The following FAM53B variants were observed in gnomAD, a reference collection of about 807,000 sequenced individuals.
FAM53B encodes family with sequence similarity 53 member B, also known as protein FAM53B.
In FAM53B, 12 loss-of-function variants were observed where a neutral mutation model predicts 32.7. That is an observed-to-expected ratio of 0.37 (90% CI 0.24 to 0.59). The LOEUF (loss-of-function observed/expected upper bound fraction) is 0.59, where lower values mean the gene tolerates loss of function less well. Among genes scored for constraint, FAM53B ranks in the 20% least tolerant of loss-of-function variants. The pLI is 0.72. For synonymous variants in FAM53B, 234 were observed against 228.7 expected (o/e 1.02, Z -0.21); for missense variants, 477 against 577.7 (o/e 0.83, Z 1.79).
chr10:124,697,965 A>G (rs551170127), intron 2 of FAM53B, among the ~76,000 whole-genome samples: 4 of 152,260 alleles, frequency 2.6e-5, no homozygotes, highest in Non-Finnish European at 4.4e-5. Flanking sequence ...AGCTGAGAAC[A>G]CACCGAAGTC....
chr10:124,663,487 C>T (rs1234969824), intron 4 of FAM53B, among the ~76,000 whole-genome samples: 1 of 152,252 alleles, frequency 6.6e-6, no homozygotes, highest in Non-Finnish European at 1.5e-5. Context: ...CAGAGGAGGG[C>T]TGCCCAAACC....
intron 4 of FAM53B, among the ~76,000 whole-genome samples, chr10:124,652,280 C>T (rs183796146): frequency 5.3e-5 from 8 of 152,304 alleles, no homozygotes; most frequent in Admixed American, 5.2e-4. Context: ...AGGGTCTTAC[C>T]ATGTGCACAA....
At chr10:124,693,383 C>T (rs7091858) in intron 3 of FAM53B, among the ~76,000 whole-genome samples, 140,632 of 151,850 alleles carry the variant, frequency 0.93, 65,759 homozygotes, top group Non-Finnish European at 0.99. Context: ...GGCAGGAGAA[C>T]TGCTTGAACC....
chr10:124,677,099 A>C (rs1358471412), intron 4 of FAM53B, among the ~76,000 whole-genome samples: 1 of 152,174 alleles, frequency 6.6e-6, no homozygotes, highest in Non-Finnish European at 1.5e-5. Context: ...TATGACACCT[A>C]GGGGGACTGC....
intron 4 of FAM53B, among the ~76,000 whole-genome samples, chr10:124,650,957 G>A (rs1471438652): frequency 6.6e-6 from 1 of 150,766 alleles, no homozygotes; most frequent in Non-Finnish European, 1.5e-5. Context: ...GAAATGCGAG[G>A]ACTCACGGGC....
Position 124,640,286 on chromosome 10 carries a change from C to A in FAM53B, c.907-16682G>T, listed in dbSNP as rs576587275. ...AGGCCCTCCACACCTCTCCGGCCAG[C>A]ACCCTCAGCCTGCACAGCTCTGCGC... On this transcript the variant is annotated intron_variant, in intron 4 of 4. Coordinates refer to ENST00000337318, the MANE Select transcript of FAM53B (RefSeq NM_014661.4). 3.3e-5 allele frequency among the ~76,000 whole-genome samples: 5 copies of A among 152,344 alleles called. No homozygotes were observed. In the South Asian group the frequency reaches 1.0e-3, roughly 32 times the overall value.
chr10:124,658,613 A>C (rs1302385064), intron 4 of FAM53B, among the ~76,000 whole-genome samples: 1 of 152,178 alleles, frequency 6.6e-6, no homozygotes, highest in Non-Finnish European at 1.5e-5. Context: ...GAGAACAGCA[A>C]ACTACCGTGG....
intron 3 of FAM53B, among the ~76,000 whole-genome samples, chr10:124,691,400 C>T (rs1949831743): frequency 6.6e-6 from 1 of 152,166 alleles, no homozygotes; most frequent in Admixed American, 6.5e-5. Flanking sequence ...CTCAAGTTTC[C>T]TGTATGTTCT....
At chr10:124,679,522 G>C (rs1167961147) in intron 4 of FAM53B, among the ~76,000 whole-genome samples, 1 of 152,228 alleles carries the variant, frequency 6.6e-6, no homozygotes, top group Non-Finnish European at 1.5e-5. Context: ...AGCCAAAGCA[G>C]GCAGAGCCCC....
At chr10:124,693,071 G>A (rs1164371804) in intron 3 of FAM53B, among the ~76,000 whole-genome samples, 1 of 152,164 alleles carries the variant, frequency 6.6e-6, no homozygotes, top group Admixed American at 6.5e-5. Flanking sequence ...TGGTGATTAT[G>A]ATAATTTGGT....
chr10:124,723,935 C>G (rs1386094968), intron 1 of FAM53B, among the ~76,000 whole-genome samples: 1 of 152,254 alleles, frequency 6.6e-6, no homozygotes, highest in African/African-American at 2.4e-5. Context: ...CTGTGTTGTG[C>G]TTCTCTCTGG....
chr10:124,632,302 A>C (rs1419636309), intron 4 of FAM53B, among the ~76,000 whole-genome samples: 3 of 152,242 alleles, frequency 2.0e-5, no homozygotes, highest in South Asian at 2.1e-4. Flanking sequence ...TGTGGTGTAC[A>C]TTCCAGCCAG....
rs1949307850 is a variant in FAM53B at position 124,621,086 on chromosome 10, C to T, written c.*2156G>A. 1 of 152,268 alleles carries T rather than the reference C, an allele frequency of 6.6e-6. No individual in the cohort carries two copies. The highest frequency in any genetic ancestry group is 1.5e-5 in the Non-Finnish European group (1 of 68,074). 9.4% of individuals were successfully genotyped at this position (152,268 alleles called of 1,614,324 possible). On this transcript the variant is annotated 3_prime_UTR_variant, in exon 5 of 5. Transcript: ENST00000337318. ...TCACCATGTGCCTCCCACCCCAGCC[C>T]TAAGCAAAGGTAGCTGGGGGCTGCT...
chr10:124,678,733 G>A (rs994354732), intron 4 of FAM53B, among the ~76,000 whole-genome samples: 1 of 152,212 alleles, frequency 6.6e-6, no homozygotes, highest in Admixed American at 6.5e-5. Flanking sequence ...ATACAGATGA[G>A]GGCAGGGCCT....
chr10:124,625,376 C>T (rs1949340130), intron 4 of FAM53B, among the ~76,000 whole-genome samples: 2 of 152,146 alleles, frequency 1.3e-5, no homozygotes, highest in Non-Finnish European at 2.9e-5. Context: ...GGCAGGGGCA[C>T]CCATTAGACT....
At chr10:124,686,100 A>T (rs1264035242) in intron 3 of FAM53B, among the ~76,000 whole-genome samples, 1 of 152,242 alleles carries the variant, frequency 6.6e-6, no homozygotes, top group African/African-American at 2.4e-5. Context: ...CCCACAAAGT[A>T]CAACTCCTCC....
intron 4 of FAM53B, among the ~76,000 whole-genome samples, chr10:124,643,794 C>T (rs753624591): frequency 2.0e-5 from 3 of 152,238 alleles, no homozygotes; most frequent in Non-Finnish European, 4.4e-5. Context: ...AGATGAGGCA[C>T]AGCGGTGCAC....
intron 1 of FAM53B, among the ~76,000 whole-genome samples, chr10:124,722,112 A>G (rs1009992936): frequency 6.6e-6 from 1 of 152,206 alleles, no homozygotes; most frequent in Non-Finnish European, 1.5e-5. Context: ...AGTACGTTCT[A>G]GTGTTCTATA....
chr10:124,695,817 C>G (rs529496850), intron 3 of FAM53B, among the ~76,000 whole-genome samples: 28 of 152,262 alleles, frequency 1.8e-4, no homozygotes, highest in African/African-American at 6.7e-4. Flanking sequence ...TAAACATACA[C>G]AAAAATATCA....
Sources: gnomAD v4.1 joint callset for allele counts (sites outside exome capture counted in the v4.1 genomes callset) on GRCh38, gnomAD v4.1.1 for gene constraint, MANE v1.5 for transcripts, NCBI Gene and HGNC (gene_info 2026-07-23, HGNC 2026-07-21) for gene names.